USP16: variants seen among roughly 807,000 people sequenced by gnomAD.
The protein encoded by USP16 is ubiquitin specific peptidase 16, also known as ubiquitin carboxyl-terminal hydrolase 16.
In USP16, 77 loss-of-function variants were observed where a neutral mutation model predicts 95.9. The ratio of observed to expected loss-of-function variants is 0.80; its 90% CI spans 0.67 to 0.97. The LOEUF is 0.97. Among genes scored for constraint, USP16 ranks in the 50% least tolerant of loss-of-function variants. USP16 has a pLI of 0.00. For synonymous variants in USP16, 303 were observed against 318.2 expected (o/e 0.95, Z 0.51); for missense variants, 943 against 959.9 (o/e 0.98, Z 0.23).
chr21:29,043,772 A>G (rs1601064008), intron 13 of USP16, among the ~76,000 whole-genome samples, 173 bp downstream of exon 13: 2 of 152,204 alleles, frequency 1.3e-5, no homozygotes, highest in African/African-American at 2.4e-5. Flanking sequence ...TGCTTTGAGT[A>G]TATGTGAAGA....
intron 3 of USP16, among the ~76,000 whole-genome samples, chr21:29,034,500 A>G (rs149473061): frequency 4.6e-5 from 7 of 151,950 alleles, no homozygotes; most frequent in African/African-American, 1.2e-4. Context: ...TTTAGTAGAG[A>G]TGGGGTTTCA....
Position 29,050,176 on chromosome 21 carries a change from A to C in USP16, c.2191A>C (p.Lys731Gln), listed in dbSNP as rs1198092336. The C allele has an allele frequency of 1.2e-6, 2 of 1,612,382 alleles. No homozygotes were observed. Among genetic ancestry groups the C allele is most frequent in the Non-Finnish European group, 1.7e-6 (2 of 1,179,668 alleles). The change falls in exon 16 of 18, where the codon AAG becomes CAG. Residue 731 changes from lysine to glutamine, a missense_variant and splice_region_variant. By Grantham distance (53) the Lys-to-Gln change is moderately conservative. Transcript: ENST00000399976. ...DLAPFCTLKCKNVAEENTRVL... is the reference protein window; with the variant it reads ...DLAPFCTLKCQNVAEENTRVL... ...GGCTCCTTTTTGCACCCTTAAATGT[A>C]AGGTAAGTCAAAGTGGTCTTTTTCA... is the stretch of plus-strand genomic sequence containing the variant.
chr21:29,046,767 C>T lies in USP16; in HGVS notation c.1457C>T (p.Ser486Leu). The T allele has an allele frequency of 6.2e-7, 1 of 1,613,950 alleles. No homozygotes were observed. The highest frequency in any genetic ancestry group is 8.5e-7 in the Non-Finnish European group (1 of 1,179,936). Residue 486 changes from serine (S) to leucine (L), a missense_variant, in exon 14 of 18, where the codon TCA (serine) becomes TTA (leucine). Coordinates refer to ENST00000399976, the MANE Select transcript of USP16 (RefSeq NM_006447.3). ...PEDSEYEAEM[S>L]LQGEVNIKSN... ...GACAGTGAATATGAAGCTGAAATGT[C>T]ACTTCAAGGAGAAGTAAATATTAAA...
intron 4 of USP16, among the ~76,000 whole-genome samples, chr21:29,035,308 A>C (rs965177810): frequency 2.6e-5 from 4 of 152,148 alleles, no homozygotes; most frequent in African/African-American, 9.7e-5. Flanking sequence ...TAGATGCTGC[A>C]TTGTAACATC....
intron 15 of USP16, 64 bp from the exon 16 acceptor site, chr21:29,050,027 TC>T (rs2085389941): frequency 6.9e-7 from 1 of 1,450,256 alleles, no homozygotes; most frequent in African/African-American, 1.4e-5. Flanking sequence ...GGAGGGGACT[TC>T]GGTTTACTTA....
intron 16 of USP16, among the ~76,000 whole-genome samples, chr21:29,050,503 G>T (rs913667307): frequency 6.6e-6 from 1 of 152,354 alleles, no homozygotes; most frequent in Non-Finnish European, 1.5e-5. Flanking sequence ...TAGGTCAGGA[G>T]TGGTATACAC....
rs1397088115 is a variant in USP16 at position 29,048,975 on chromosome 21, T to C, written c.2106+120T>C. On this transcript the variant is annotated intron_variant, in intron 15 of 17. Coordinates refer to ENST00000399976, the MANE Select transcript of USP16 (RefSeq NM_006447.3). ...TTGGTTTTCTGTTGTTTCTTAACTG[T>C]AATGTCAATGAAGTCAGAAAGGGAA... The C allele has an allele frequency of 7.5e-5, 58 of 771,578 alleles. 1 individual carries two copies. The South Asian group carries it at 1.0e-3, about 14-fold the overall frequency. The allele number at this position is 771,578 out of a possible 1,614,324, so 47.8% of individuals were successfully genotyped here.
At chr21:29,027,380 T>C (rs1352934352) in intron 1 of USP16, among the ~76,000 whole-genome samples, 1 of 152,276 alleles carries the variant, frequency 6.6e-6, no homozygotes, top group Non-Finnish European at 1.5e-5. Flanking sequence ...GAAGCCATTT[T>C]GGAAATTTTC....
rs779049518 is a variant in USP16, at chr21:29,043,431, GA to G, written c.1192del (p.Ser398ValfsTer2). 1.3e-6 allele frequency: 2 copies of G among 1,522,682 alleles called. No individual in the cohort carries two copies. Among genetic ancestry groups the G allele is most frequent in the Non-Finnish European group, 1.8e-6 (2 of 1,142,072 alleles). 94.3% of individuals were successfully genotyped at this position (1,522,682 alleles called of 1,614,324 possible). The stretch of plus-strand genomic sequence containing the variant: ...GTTATCTATATTTTAAGAGTGGTAA[GA>G]AAAGTGTAAATGATAAAAATCTGAA... ...LPVLDDQSGK[K>X]SVNDKNLKKT... is the part of the protein sequence containing the mutation. On this transcript the variant is annotated frameshift_variant, in exon 13 of 18. Transcript: ENST00000399976. LOFTEE classifies it high-confidence loss of function.
chr21:29,047,058 C>T lies in USP16; in HGVS notation c.1748C>T (p.Ala583Val). The change falls in exon 14 of 18, where the codon GCT becomes GTT. Residue 583 changes from alanine to valine, a missense_variant. Transcript: ENST00000399976. ...GGTTTCAAAAACCTAAATTTGAATG[C>T]TGCTCTTCATCCTGATGAAATAAAT... ...SNGFKNLNLN[A>V]ALHPDEINIE... 1 of 1,614,032 alleles carries T rather than the reference C, an allele frequency of 6.2e-7. No individual in the cohort carries two copies. Among genetic ancestry groups the T allele is most frequent in the South Asian group, 1.1e-5 (1 of 91,084 alleles).
chr21:29,030,375 G>A (rs1454695629), intron 2 of USP16, among the ~76,000 whole-genome samples: 1 of 152,098 alleles, frequency 6.6e-6, no homozygotes, highest in East Asian at 1.9e-4. Context: ...TTATATTTAG[G>A]ACTTCAAGAA....
intron 2 of USP16, among the ~76,000 whole-genome samples, chr21:29,029,152 G>A (rs192065030): frequency 1.3e-5 from 2 of 152,200 alleles, no homozygotes; most frequent in Non-Finnish European, 2.9e-5. Context: ...GGTGGCTCAC[G>A]CCTGTAATCC....
chr21:29,050,918 C>T (rs565904913), intron 16 of USP16, among the ~76,000 whole-genome samples: 3 of 152,152 alleles, frequency 2.0e-5, no homozygotes, highest in South Asian at 2.1e-4. Context: ...AATTTTAGGA[C>T]GGAAAGACTA....
At chr21:29,036,446 ACTACCTAG>A (rs1228683439) in intron 5 of USP16, 72 bp downstream of exon 5, 1 of 1,364,798 alleles carries the variant, frequency 7.3e-7, no homozygotes, top group Non-Finnish European at 1.0e-6. Context: ...GATTTGTTAT[ACTACCTAG>A]CATTACATAC....
At position 29,053,824 on chromosome 21, in the gene USP16, G is replaced by C. The variant is rs146797463; in HGVS notation, c.2216G>C (p.Arg739Thr). ...KCKNVAEENT[R>T]VLYSLYGVVE... ...AAGAATGTTGCAGAAGAAAATACAAGGGTACTCTATTCCTTATATGGAGTT... is the reference window on the plus strand; with the variant it reads ...AAGAATGTTGCAGAAGAAAATACAACGGTACTCTATTCCTTATATGGAGTT... Residue 739 changes from arginine (R) to threonine (T), a missense_variant, in exon 17 of 18, where the codon AGG becomes ACG. Transcript: ENST00000399976. The C allele has an allele frequency of 1.7e-4, 274 of 1,613,116 alleles. No homozygotes were observed. The highest frequency in any genetic ancestry group is 2.3e-4 in the Non-Finnish European group (268 of 1,179,718).
chr21:29,039,579 T>C lies in USP16; in HGVS notation c.951+11T>C. 1 of 1,609,668 alleles carries C rather than the reference T, an allele frequency of 6.2e-7. No homozygotes were observed. Among genetic ancestry groups the C allele is most frequent in the Non-Finnish European group, 8.5e-7 (1 of 1,176,902 alleles). ...GCAGAAGAACACCAAGTTAGCATGT[T>C]ATGACCATTGTATTTTATGATCTTA... On this transcript the variant is annotated intron_variant, in intron 9 of 17. Coordinates refer to ENST00000399976, the MANE Select transcript of USP16 (RefSeq NM_006447.3).
chr21:29,045,968 G>A (rs566742053), intron 13 of USP16, among the ~76,000 whole-genome samples: 1 of 152,134 alleles, frequency 6.6e-6, no homozygotes, highest in African/African-American at 2.4e-5. Flanking sequence ...ACCCATGTGT[G>A]CATTACAGGC....
In USP16 at chr21:29,053,894, T is replaced by C. The variant is rs1265984343; in HGVS notation, c.2286T>C (p.Tyr762=). 1.2e-6 allele frequency: 2 copies of C among 1,614,160 alleles called. No individual in the cohort carries two copies. Among genetic ancestry groups the C allele is most frequent in the South Asian group, 2.2e-5 (2 of 91,094 alleles). The change falls in exon 17 of 18, where the codon TAT becomes TAC. Residue 762 remains tyrosine, a synonymous_variant. Transcript: ENST00000399976. ...GTMRSGHYTA[Y]AKARTANSHL... The stretch of plus-strand genomic sequence containing the variant: ...TGAGGTCGGGGCATTACACTGCCTA[T>C]GCCAAGGCAAGAACCGCAAATAGTC...
At position 29,037,257 on chromosome 21, in the gene USP16, A is replaced by G. The variant is rs981885757; in HGVS notation, c.449-19A>G. On this transcript the variant is annotated intron_variant, in intron 5 of 17. Coordinates refer to ENST00000399976, the MANE Select transcript of USP16 (RefSeq NM_006447.3). Reference sequence around the variant, plus strand: ...ATGACTGTATTACACATTTTGCTAAATCTTTTCTTTTTTTAAAGCAGAGAA... The same window carrying G: ...ATGACTGTATTACACATTTTGCTAAGTCTTTTCTTTTTTTAAAGCAGAGAA... 6.8e-7 allele frequency: 1 copy of G among 1,468,834 alleles called. No individual in the cohort carries two copies. Among genetic ancestry groups the G allele is most frequent in the African/African-American group, 1.4e-5 (1 of 70,254 alleles). The allele number at this position is 1,468,834 out of a possible 1,614,324, so 91.0% of individuals were successfully genotyped here.
Sources: allele counts gnomAD v4.1 joint callset (sites outside exome capture counted in the v4.1 genomes callset), GRCh38; gene constraint gnomAD v4.1.1; transcripts MANE v1.5; gene names NCBI Gene and HGNC (gene_info 2026-07-23, HGNC 2026-07-21).